Variants in TRDN observed in about 807,000 individuals in gnomAD.
TRDN encodes triadin in skeletal muscle.
In TRDN, 161 loss-of-function variants were observed where a neutral mutation model predicts 149.7. That is an observed-to-expected ratio of 1.08 (90% CI 0.95 to 1.23). The LOEUF (loss-of-function observed/expected upper bound fraction) is 1.23. Among genes scored for constraint, TRDN ranks in the 50% most tolerant of loss-of-function variants. The pLI, the probability that TRDN is intolerant of heterozygous loss-of-function variation, is 0.00. For missense variants in TRDN, 896 were observed against 823.5 expected (o/e 1.09, Z -1.08); for synonymous variants, 294 against 250.5 (o/e 1.17, Z -1.64).
rs1261345499 is a variant in TRDN at position 123,375,601 on chromosome 6, A to G, written c.1273+4T>C. The G allele has an allele frequency of 4.4e-5, 67 of 1,534,838 alleles. No homozygotes were observed. The highest frequency in any genetic ancestry group is 5.7e-5 in the Non-Finnish European group (65 of 1,139,486). On this transcript the variant is annotated splice_donor_region_variant and intron_variant, in intron 19 of 40. Coordinates refer to ENST00000334268, the MANE Select transcript of TRDN (RefSeq NM_006073.4). ...CTCTTCTTTAAAAATTTTGTTCAAC[A>G]TACTTGCTTTTACTTGTTTGTCACT...
chr6:123,328,733 A>C (rs1779556047), intron 23 of TRDN, among the ~76,000 whole-genome samples: 1 of 152,106 alleles, frequency 6.6e-6, no homozygotes, highest in African/African-American at 2.4e-5. Flanking sequence ...CCAGAGAACT[A>C]TTTACGGCAA....
At chr6:123,574,848 T>TTATATATA (rs1270587188) in intron 1 of TRDN, among the ~76,000 whole-genome samples, 17 of 102,548 alleles carry the variant, frequency 1.7e-4, no homozygotes, top group African/African-American at 3.8e-4. Flanking sequence ...GAACATGAAT[T>TTATATATA]TATATATACA....
rs192247853 is a variant in TRDN, at chr6:123,469,467, G to T, written c.854-4484C>A. ...ATAATAATCAGAGATGTTCAAATTT[G>T]CCTATTAAACAAAGACCTCTCCAAC... On this transcript the variant is annotated intron_variant, in intron 9 of 40. Coordinates refer to ENST00000334268, the MANE Select transcript of TRDN (RefSeq NM_006073.4). Among the ~76,000 whole-genome samples, 353 of 152,228 alleles carry T rather than the reference G, an allele frequency of 2.3e-3. 1 individual carries two copies. The highest frequency in any genetic ancestry group is 3.9e-3 in the Admixed American group (60 of 15,284).
rs371627659 is a variant in TRDN at position 123,571,030 on chromosome 6, G to C, written c.125C>G (p.Thr42Arg). The C allele has an allele frequency of 8.1e-6, 13 of 1,613,832 alleles. No individual in the cohort carries two copies. Among genetic ancestry groups the C allele is most frequent in the Non-Finnish European group, 1.0e-5 (12 of 1,179,892 alleles). ...LKRTVTEDIVTTFSSPAAWLL... is the reference protein window; with the variant it reads ...LKRTVTEDIVRTFSSPAAWLL... ...CCAGGCTGCAGGGGAGCTGAACGTC[G>C]TCACTATGTCTTCTGTGACTGTCCT... Residue 42 changes from threonine to arginine, a missense_variant, in exon 2 of 41, where the codon ACG becomes AGG. By Grantham distance (71) the Thr-to-Arg change is moderately conservative. Coordinates refer to ENST00000334268, the MANE Select transcript of TRDN (RefSeq NM_006073.4).
intron 36 of TRDN, 39 bp downstream of exon 36, chr6:123,255,828 G>A (rs1776535942): frequency 7.8e-7 from 1 of 1,279,244 alleles, no homozygotes; most frequent in Non-Finnish European, 1.0e-6. Flanking sequence ...TTTAGCTTCA[G>A]GGCTTTGCAT....
chr6:123,603,078 G>A (rs1017944736), intron 1 of TRDN, among the ~76,000 whole-genome samples: 9 of 84,128 alleles, frequency 1.1e-4, no homozygotes, highest in Non-Finnish European at 2.6e-4. Flanking sequence ...TTATTCCAAG[G>A]ACTAATGTAT....
At chr6:123,437,412 G>A (rs1414520354) in intron 12 of TRDN, 31 of 243,446 alleles carry the variant, frequency 1.3e-4, no homozygotes, top group African/African-American at 1.6e-4. Context: ...TTTTTTTGTA[G>A]GGGGATGAGG....
intron 8 of TRDN, among the ~76,000 whole-genome samples, chr6:123,500,531 G>T (rs972924468): frequency 6.6e-6 from 1 of 152,044 alleles, no homozygotes; most frequent in African/African-American, 2.4e-5. Context: ...AAATTGTCCT[G>T]CCATTCTAAC....
At chr6:123,390,976 C>A (rs547315149) in intron 13 of TRDN, among the ~76,000 whole-genome samples, 2 of 152,184 alleles carry the variant, frequency 1.3e-5, no homozygotes, top group South Asian at 4.2e-4. Flanking sequence ...CATACCCCAT[C>A]TTTTAAGCCG....
At chr6:123,567,037 A>T (rs1998262) in intron 2 of TRDN, among the ~76,000 whole-genome samples, 6 of 152,142 alleles carry the variant, frequency 3.9e-5, no homozygotes, top group South Asian at 2.1e-4. Context: ...TCCATTGGAG[A>T]GCTGCAATTA....
rs1470863060 is a variant in TRDN, at chr6:123,218,132, A to T, written c.*469T>A. ...AAATAAAATCATTAAGCATCAACTT[A>T]TTGGGTAAATTAAGTTTAGATACCC... On this transcript the variant is annotated 3_prime_UTR_variant, in exon 41 of 41. Coordinates refer to ENST00000334268, the MANE Select transcript of TRDN (RefSeq NM_006073.4). The T allele has an allele frequency of 2.0e-5, 3 of 152,112 alleles. No individual in the cohort carries two copies. Among genetic ancestry groups the T allele is most frequent in the African/African-American group, 7.2e-5 (3 of 41,422 alleles). 9.4% of individuals were successfully genotyped at this position (152,112 alleles called of 1,614,324 possible). A position where few individuals can be genotyped will look rare whatever the true frequency, so the allele number is the denominator to read the frequency against.
chr6:123,238,016 T>C (rs988557994), intron 38 of TRDN, among the ~76,000 whole-genome samples: 5 of 152,136 alleles, frequency 3.3e-5, no homozygotes, highest in African/African-American at 1.2e-4. Flanking sequence ...AAGTGTATAA[T>C]TGGAAGCCTA....
At chr6:123,258,647 T>C (rs1776647017) in intron 35 of TRDN, among the ~76,000 whole-genome samples, 1 of 152,182 alleles carries the variant, frequency 6.6e-6, no homozygotes, top group Non-Finnish European at 1.5e-5. Context: ...GACGCTGGCC[T>C]CACAAAATGA....
intron 26 of TRDN, among the ~76,000 whole-genome samples, chr6:123,277,043 C>T (rs1264129174): frequency 1.3e-5 from 2 of 152,072 alleles, no homozygotes; most frequent in East Asian, 1.9e-4. Context: ...CTCAGGACCT[C>T]TTTTTATTTT....
At chr6:123,410,538 T>C (rs1010114480) in intron 12 of TRDN, among the ~76,000 whole-genome samples, 1 of 152,198 alleles carries the variant, frequency 6.6e-6, no homozygotes, top group Non-Finnish European at 1.5e-5. Context: ...GTATTTTAAG[T>C]ATATATTTAT....
At chr6:123,583,671 T>G (rs144223945) in intron 1 of TRDN, among the ~76,000 whole-genome samples, 3,272 of 152,104 alleles carry the variant, frequency 0.022, 109 homozygotes, top group African/African-American at 0.073. Context: ...GAATTATGTC[T>G]GACAGAAGGG....
At position 123,222,194 on chromosome 6, in the gene TRDN, A is replaced by T. The variant is rs76157973; in HGVS notation, c.2015-672T>A. Among the ~76,000 whole-genome samples the T allele has an allele frequency of 3.1e-3, 468 of 150,642 alleles. 18 individuals carry two copies. The East Asian group carries it at 0.076, about 24-fold the overall frequency. ...TTGAAATAATTAGAAGTTGTGAGAGAGTGTGTGTGTGTGTTTGTGTGTACA... is the reference window on the plus strand; with the variant it reads ...TTGAAATAATTAGAAGTTGTGAGAGTGTGTGTGTGTGTGTTTGTGTGTACA... On this transcript the variant is annotated intron_variant, in intron 39 of 40. Coordinates refer to ENST00000334268, the MANE Select transcript of TRDN (RefSeq NM_006073.4).
At chr6:123,602,331 A>G (rs1397705484) in intron 1 of TRDN, among the ~76,000 whole-genome samples, 1 of 152,040 alleles carries the variant, frequency 6.6e-6, no homozygotes, top group African/African-American at 2.4e-5. Flanking sequence ...ACAAGAATGG[A>G]AAACCAAATA....
intron 1 of TRDN, among the ~76,000 whole-genome samples, chr6:123,581,215 T>A (rs1783104161): frequency 6.6e-6 from 1 of 152,230 alleles, no homozygotes; most frequent in Non-Finnish European, 1.5e-5. Context: ...TTCCCACTGT[T>A]TAAATCTAAC....
Sources: gnomAD v4.1 joint callset for allele counts (sites outside exome capture counted in the v4.1 genomes callset) on GRCh38, gnomAD v4.1.1 for gene constraint, MANE v1.5 for transcripts, NCBI Gene and HGNC (gene_info 2026-07-23, HGNC 2026-07-21) for gene names.